CCM2L: variants seen among roughly 807,000 people sequenced by gnomAD.
CCM2L encodes the protein cerebral cavernous malformations 2 protein-like.
In CCM2L, 36 loss-of-function variants were observed where a neutral mutation model predicts 54.1. That is an observed-to-expected ratio of 0.67 (90% CI 0.51 to 0.88). CCM2L has a LOEUF of 0.88. Ranked by LOEUF, CCM2L falls within the 40% of genes least tolerant of loss-of-function variation. CCM2L has a pLI of 0.00. For missense variants in CCM2L, 700 were observed against 812.1 expected, an observed-to-expected ratio of 0.86 and a Z score of 1.68; for synonymous variants, 351 against 359.3, an observed-to-expected ratio of 0.98 and a Z score of 0.26.
chr20:32,022,773 A>ACGGC lies in CCM2L; in HGVS notation c.1049_1052dup (p.Trp352AlafsTer8). The ACGGC allele has an allele frequency of 3.7e-6, 6 of 1,613,280 alleles. No homozygotes were observed. Among genetic ancestry groups the ACGGC allele is most frequent in the Non-Finnish European group, 4.2e-6 (5 of 1,180,006 alleles). ...GCTACCACTACACATCCACACCTGAACGGCCATGGCTCTGCAGCCGCAGTG... is the reference window on the plus strand; with the variant it reads ...GCTACCACTACACATCCACACCTGAACGGCCGGCCATGGCTCTGCAGCCGCAGTG... On this transcript the variant is annotated frameshift_variant, in exon 6 of 10. Coordinates refer to ENST00000452892, the MANE Select transcript of CCM2L (RefSeq NM_001365692.1). LOFTEE classifies it high-confidence loss of function.
Position 32,017,965 on chromosome 20 carries a change from GC to G in CCM2L, c.283-10del, listed in dbSNP as rs767961610. ...TGCGGACCTCGGGAACTCGAGATCT[GC>G]CCCTCCCTGCAGCAGCTGAAGGAGC... On this transcript the variant is annotated splice_polypyrimidine_tract_variant and intron_variant, in intron 3 of 9. Coordinates refer to ENST00000452892, the MANE Select transcript of CCM2L (RefSeq NM_001365692.1). 4 of 1,613,178 alleles carry G rather than the reference GC, an allele frequency of 2.5e-6. No individual in the cohort carries two copies. Among genetic ancestry groups the G allele is most frequent in the African/African-American group, 1.3e-5 (1 of 74,854 alleles).
chr20:32,019,031 G>C lies in CCM2L; in HGVS notation c.555G>C (p.Glu185Asp). ...RDPGPPGGAP[E>D]KRRVGTAERR... ...CCGGCCCGCCAGGCGGGGCGCCCGA[G>C]AAGCGGCGGGTGGGCACCGCGGAGC... The change falls in exon 5 of 10, where the codon GAG becomes GAC. Residue 185 changes from glutamate to aspartate, a missense_variant. Coordinates refer to ENST00000452892, the MANE Select transcript of CCM2L (RefSeq NM_001365692.1). 1 of 1,322,954 alleles carries C rather than the reference G, an allele frequency of 7.6e-7. No homozygotes were observed. The highest frequency in any genetic ancestry group is 9.6e-7 in the Non-Finnish European group (1 of 1,044,964). The allele number at this position is 1,322,954 out of a possible 1,614,324, so 82.0% of individuals were successfully genotyped here. A position where few individuals can be genotyped will look rare whatever the true frequency, so the allele number is the denominator to read the frequency against.
chr20:32,028,784 G>C, intron 7 of CCM2L: 1 of 588,850 alleles, frequency 1.7e-6, no homozygotes, highest in Admixed American at 3.1e-5. Flanking sequence ...AGTAGAGGAA[G>C]AAGGAGAAGG....
In CCM2L at chr20:32,025,845, G is replaced by T; in HGVS notation, c.1070-11G>T. On this transcript the variant is annotated splice_polypyrimidine_tract_variant and intron_variant, in intron 6 of 9. Coordinates refer to ENST00000452892, the MANE Select transcript of CCM2L (RefSeq NM_001365692.1). Reference sequence around the variant, plus strand: ...GCTGCCTCTGACAGTCCCTCTGTCTGCTGGTCCCAGGTGAGAGCTGCCACA... The same window carrying T: ...GCTGCCTCTGACAGTCCCTCTGTCTTCTGGTCCCAGGTGAGAGCTGCCACA... 4 of 1,303,508 alleles carry T rather than the reference G, an allele frequency of 3.1e-6. No individual in the cohort carries two copies. Among genetic ancestry groups the T allele is most frequent in the Non-Finnish European group, 1.0e-6 (1 of 988,778 alleles). The allele number at this position is 1,303,508 out of a possible 1,614,324, so 80.7% of individuals were successfully genotyped here. A position where few individuals can be genotyped will look rare whatever the true frequency, so the allele number is the denominator to read the frequency against.
In CCM2L at chr20:32,031,845, G is replaced by C. The variant is rs2064933531; in HGVS notation, c.*531G>C. On this transcript the variant is annotated 3_prime_UTR_variant, in exon 10 of 10. Transcript: ENST00000452892. Reference sequence around the variant, plus strand: ...AAACAGTGTAGAAGGTCTTTTTAAGGCTCTAAATGTCAGGGTCTCCCATCC... The same window carrying C: ...AAACAGTGTAGAAGGTCTTTTTAAGCCTCTAAATGTCAGGGTCTCCCATCC... 1 of 152,314 alleles carries C rather than the reference G, an allele frequency of 6.6e-6. No individual in the cohort carries two copies. Among genetic ancestry groups the C allele is most frequent in the East Asian group, 1.9e-4 (1 of 5,188 alleles). The allele number at this position is 152,314 out of a possible 1,614,324, so 9.4% of individuals were successfully genotyped here. A position where few individuals can be genotyped will look rare whatever the true frequency, so the allele number is the denominator to read the frequency against.
In CCM2L at chr20:32,018,923, G is replaced by T. The variant is rs1444730591; in HGVS notation, c.467-20G>T. On this transcript the variant is annotated intron_variant, in intron 4 of 9. Transcript: ENST00000452892. Reference sequence around the variant, plus strand: ...CTGAGTCCCGATCCCCGCGGCTGACGGTCCCCCGGACTCTCCTAGGTCTGG... The same window carrying T: ...CTGAGTCCCGATCCCCGCGGCTGACTGTCCCCCGGACTCTCCTAGGTCTGG... 2 of 1,298,508 alleles carry T rather than the reference G, an allele frequency of 1.5e-6. No homozygotes were observed. Among genetic ancestry groups the T allele is most frequent in the Non-Finnish European group, 2.0e-6 (2 of 1,023,678 alleles). 80.4% of individuals were successfully genotyped at this position (1,298,508 alleles called of 1,614,324 possible). A position where few individuals can be genotyped will look rare whatever the true frequency, so the allele number is the denominator to read the frequency against.
intron 7 of CCM2L, 134 bp from the exon 8 acceptor site, chr20:32,028,861 A>T: frequency 9.0e-7 from 1 of 1,105,164 alleles, no homozygotes; most frequent in Non-Finnish European, 1.3e-6. Context: ...GAGACTTGAG[A>T]GGTGCCAGGG....
At chr20:32,023,700 C>T (rs958793527) in intron 6 of CCM2L, among the ~76,000 whole-genome samples, 16 of 152,174 alleles carry the variant, frequency 1.1e-4, no homozygotes, top group Non-Finnish European at 2.2e-4. Flanking sequence ...CCTTAGGATT[C>T]CCATTTTTTC....
intron 4 of CCM2L, 89 bp from the exon 5 acceptor site, chr20:32,018,854 G>T (rs930613519): frequency 1.6e-6 from 2 of 1,219,662 alleles, no homozygotes; most frequent in South Asian, 3.0e-5. Flanking sequence ...CCCCAGAGCC[G>T]CGAGGTCAGG....
chr20:32,024,491 G>A (rs1258785519), intron 6 of CCM2L, among the ~76,000 whole-genome samples: 1 of 152,220 alleles, frequency 6.6e-6, no homozygotes, highest in Non-Finnish European at 1.5e-5. Context: ...AGTTTACTTA[G>A]TGGAGGCAGG....
At chr20:32,025,797 C>A in intron 6 of CCM2L, 59 bp from the exon 7 acceptor site, 1 of 1,206,700 alleles carries the variant, frequency 8.3e-7, no homozygotes, top group Non-Finnish European at 1.1e-6. Context: ...CCTCAGGGAG[C>A]AGGGGATGCT....
chr20:32,016,445 G>C (rs1785826833), intron 2 of CCM2L, among the ~76,000 whole-genome samples: 1 of 151,858 alleles, frequency 6.6e-6, no homozygotes, highest in Admixed American at 6.6e-5. Context: ...AGGAGTTCAA[G>C]ACCAGCCTGG....
chr20:32,022,833 C>T (rs377334975), intron 6 of CCM2L, 38 bp downstream of exon 6: 5 of 1,606,878 alleles, frequency 3.1e-6, no homozygotes, highest in Non-Finnish European at 4.2e-6. Context: ...TCCTGTGAAA[C>T]ATCCCAAAAA....
intron 1 of CCM2L, 83 bp downstream of exon 1, chr20:32,010,567 T>TC: frequency 1.8e-6 from 1 of 558,354 alleles, no homozygotes; most frequent in Non-Finnish European, 3.3e-6. Flanking sequence ...GGGTGGGGGG[T>TC]CGGTAGCGAG....
intron 1 of CCM2L, among the ~76,000 whole-genome samples, chr20:32,013,753 C>A (rs2064714119): frequency 6.6e-6 from 1 of 152,016 alleles, no homozygotes; most frequent in South Asian, 2.1e-4. Context: ...CCTGGCCTTC[C>A]CCAGGTAGTA....
chr20:32,020,447 T>C (rs894671674), intron 5 of CCM2L, among the ~76,000 whole-genome samples: 1 of 152,216 alleles, frequency 6.6e-6, no homozygotes, highest in Non-Finnish European at 1.5e-5. Flanking sequence ...CTCCTCCATC[T>C]ATCCTTCATC....
intron 2 of CCM2L, among the ~76,000 whole-genome samples, chr20:32,015,686 G>T (rs1421358314): frequency 6.6e-6 from 1 of 152,152 alleles, no homozygotes; most frequent in East Asian, 1.9e-4. Flanking sequence ...AGGCGTTCAT[G>T]CATGAGAATC....
At chr20:32,022,365 T>A (rs2064812790) in intron 5 of CCM2L, among the ~76,000 whole-genome samples, 1 of 152,140 alleles carries the variant, frequency 6.6e-6, no homozygotes, top group African/African-American at 2.4e-5. Context: ...TATCTATACA[T>A]TAAACTAAAT....
chr20:32,031,301 A>T lies in CCM2L; in HGVS notation c.1703A>T (p.Asp568Val), dbSNP rs1600687632. 3.1e-6 allele frequency: 4 copies of T among 1,282,094 alleles called. No homozygotes were observed. In the African/African-American group the frequency reaches 4.6e-5, roughly 15 times the overall value. The allele number at this position is 1,282,094 out of a possible 1,614,324, so 79.4% of individuals were successfully genotyped here. A position where few individuals can be genotyped will look rare whatever the true frequency, so the allele number is the denominator to read the frequency against. Residue 568 changes from aspartate to valine, a missense_variant, in exon 10 of 10, where the codon GAC becomes GTC. By Grantham distance (152) the Asp-to-Val change is radical. Transcript: ENST00000452892. Reference protein sequence around the residue: ...GSRGGSDAAEDNYL With the variant: ...GSRGGSDAAEVNYL ...AGGGGCGGGAGCGACGCCGCAGAAG[A>T]CAACTACCTGTAGCCACCGCCCCTG...
Sources: allele counts gnomAD v4.1 joint callset (sites outside exome capture counted in the v4.1 genomes callset), GRCh38; gene constraint gnomAD v4.1.1; transcripts MANE v1.5; gene names NCBI Gene and HGNC (gene_info 2026-07-23, HGNC 2026-07-21).